AGBL1: variants seen among roughly 807,000 people sequenced by gnomAD.
The protein encoded by AGBL1 is AGBL carboxypeptidase 1, also known as cytosolic carboxypeptidase 4.
In AGBL1, 130 loss-of-function variants were observed where a neutral mutation model predicts 118.9. The observed-to-expected ratio is 1.09, with a 90% confidence interval of 0.95 to 1.26. The LOEUF is 1.26. AGBL1 is among the 50% of genes most tolerant of loss of function. The pLI is 0.00. For missense variants in AGBL1, 1,584 were observed against 1,298.1 expected, an observed-to-expected ratio of 1.22 and a Z score of -3.38; for synonymous variants, 555 against 478.9, an observed-to-expected ratio of 1.16 and a Z score of -2.08.
In AGBL1 at chr15:86,416,573, A is replaced by T. The variant is rs1040949907; in HGVS notation, c.2555+19027A>T. On this transcript the variant is annotated intron_variant, in intron 18 of 22. Coordinates refer to ENST00000614907, the MANE Select transcript of AGBL1 (RefSeq NM_001386094.1). ...TCTCAGGTGGGGAACACTTTTTTAT[A>T]AAAAAAAAATGTAATTCAATATCTA... 2.6e-4 allele frequency among the ~76,000 whole-genome samples: 36 copies of T among 139,422 alleles called. No homozygotes were observed. In the East Asian group the frequency reaches 5.5e-3, roughly 21 times the overall value. The allele number at this position is 139,422 out of a possible 152,430, so 91.5% of individuals were successfully genotyped here.
chr15:86,517,570 C>T (rs1180823916), intron 18 of AGBL1, among the ~76,000 whole-genome samples: 1 of 152,214 alleles, frequency 6.6e-6, no homozygotes, highest in East Asian at 1.9e-4. Flanking sequence ...CATTTCTGGG[C>T]TCTGGGGTGA....
chr15:86,780,477 T>C (rs2078319715), intron 22 of AGBL1, among the ~76,000 whole-genome samples: 1 of 152,212 alleles, frequency 6.6e-6, no homozygotes, highest in Non-Finnish European at 1.5e-5. Flanking sequence ...TGTAAAAATT[T>C]AGAATCAACT....
At chr15:86,119,117 G>A (rs187201031) in intron 1 of AGBL1, among the ~76,000 whole-genome samples, 95 of 152,276 alleles carry the variant, frequency 6.2e-4, no homozygotes, top group East Asian at 1.7e-3. Flanking sequence ...TCATTTGGTT[G>A]CAAGTAACTA....
chr15:86,740,768 A>G (rs2077666024), intron 22 of AGBL1, among the ~76,000 whole-genome samples: 1 of 152,170 alleles, frequency 6.6e-6, no homozygotes, highest in Admixed American at 6.5e-5. Context: ...AGATAAGGAA[A>G]TGATGTAAGG....
intron 22 of AGBL1, among the ~76,000 whole-genome samples, chr15:86,698,175 C>T (rs1023872027): frequency 6.6e-6 from 1 of 151,908 alleles, no homozygotes; most frequent in Non-Finnish European, 1.5e-5. Context: ...TTGTCTGAAC[C>T]CAACTAATAG....
intron 18 of AGBL1, among the ~76,000 whole-genome samples, chr15:86,478,542 T>C (rs2082596898): frequency 6.6e-6 from 1 of 152,108 alleles, no homozygotes; most frequent in African/African-American, 2.4e-5. Context: ...GAAGGACCTC[T>C]TCAGGGAGAA....
intron 2 of AGBL1, among the ~76,000 whole-genome samples, chr15:86,143,448 G>C (rs991830076): frequency 1.3e-5 from 2 of 152,190 alleles, no homozygotes; most frequent in Non-Finnish European, 2.9e-5. Context: ...TCTCAGATAA[G>C]CTCTATTTAT....
intron 22 of AGBL1, among the ~76,000 whole-genome samples, chr15:86,789,622 A>C (rs2078463504): frequency 6.6e-6 from 1 of 152,166 alleles, no homozygotes; most frequent in Non-Finnish European, 1.5e-5. Context: ...GCCCCGGCCA[A>C]CCTGGATTGC....
intron 17 of AGBL1, among the ~76,000 whole-genome samples, chr15:86,356,006 C>T (rs1234724481): frequency 2.0e-5 from 3 of 152,152 alleles, no homozygotes; most frequent in Admixed American, 6.6e-5. Context: ...TGGACAGTCC[C>T]CCTAGGCAGT....
At chr15:86,830,131 T>G (rs1045182205) in intron 22 of AGBL1, among the ~76,000 whole-genome samples, 5 of 152,156 alleles carry the variant, frequency 3.3e-5, no homozygotes, top group African/African-American at 1.2e-4. Flanking sequence ...TTTAAATCTT[T>G]TTTTGAGGTA....
At chr15:86,983,988 A>G (rs559635668) in intron 23 of AGBL1, among the ~76,000 whole-genome samples, 17 of 152,314 alleles carry the variant, frequency 1.1e-4, no homozygotes, top group African/African-American at 3.8e-4. Flanking sequence ...AAATATTTAT[A>G]TACAAGTATA....
intron 17 of AGBL1, among the ~76,000 whole-genome samples, chr15:86,383,657 T>G (rs1272449678): frequency 6.6e-6 from 1 of 152,184 alleles, no homozygotes; most frequent in East Asian, 1.9e-4. Context: ...TCCTCTTACC[T>G]TTTCCCTGCC....
chr15:86,371,291 C>T (rs142517982), intron 17 of AGBL1, among the ~76,000 whole-genome samples: 9 of 152,120 alleles, frequency 5.9e-5, no homozygotes, highest in African/African-American at 1.4e-4. Context: ...AAAGCAATGG[C>T]GGTCATTGGG....
chr15:86,472,916 T>A (rs571171604), intron 18 of AGBL1, among the ~76,000 whole-genome samples: 2 of 152,022 alleles, frequency 1.3e-5, no homozygotes, highest in African/African-American at 4.8e-5. Context: ...AAGATTTCCA[T>A]CTCAAAAAAC....
intron 22 of AGBL1, among the ~76,000 whole-genome samples, chr15:86,717,027 A>G (rs1191118085): frequency 2.0e-5 from 3 of 152,236 alleles, no homozygotes; most frequent in Non-Finnish European, 4.4e-5. Context: ...GAATTAATCC[A>G]CATGAAGTGC....
chr15:86,436,957 A>G (rs1472234154), intron 18 of AGBL1, among the ~76,000 whole-genome samples: 1 of 151,924 alleles, frequency 6.6e-6, no homozygotes, highest in Admixed American at 6.6e-5. Flanking sequence ...GCCTTGCCAA[A>G]TCTTGAAAAA....
intron 22 of AGBL1, among the ~76,000 whole-genome samples, chr15:86,902,354 CAGTT>C (rs1443522815): frequency 5.9e-5 from 9 of 152,110 alleles, no homozygotes; most frequent in East Asian, 1.9e-4. Flanking sequence ...ATTTCCCTCA[CAGTT>C]AGTGTTGTTG....
chr15:86,275,239 T>C (rs923144560), intron 15 of AGBL1, among the ~76,000 whole-genome samples: 2 of 152,202 alleles, frequency 1.3e-5, no homozygotes, highest in South Asian at 2.1e-4. Context: ...TGATCTCTTC[T>C]GACATTTATC....
chr15:86,087,777 T>C (rs7167981), intron 1 of AGBL1, among the ~76,000 whole-genome samples: 49,809 of 152,094 alleles, frequency 0.33, 8,578 homozygotes, highest in African/African-American at 0.43. Flanking sequence ...GGGAATCTCA[T>C]ACCAGCAGAA....
Sources: allele counts gnomAD v4.1 joint callset (sites outside exome capture counted in the v4.1 genomes callset), GRCh38; gene constraint gnomAD v4.1.1; transcripts MANE v1.5; gene names NCBI Gene and HGNC (gene_info 2026-07-23, HGNC 2026-07-21).